Variants in PPM1L observed in about 807,000 individuals in gnomAD.
PPM1L encodes the protein protein phosphatase, Mg2+/Mn2+ dependent 1L, also known as protein phosphatase 1L.
Under a neutral mutation model 31.4 loss-of-function variants are expected in PPM1L, and 13 were observed. The ratio of observed to expected loss-of-function variants is 0.41; its 90% confidence interval spans 0.27 to 0.66. The LOEUF is 0.66. PPM1L is among the 30% of genes least tolerant of loss of function. PPM1L has a pLI of 0.29. For synonymous variants in PPM1L, 184 were observed against 175.4 expected (o/e 1.05, Z -0.39); for missense variants, 326 against 453.7 (o/e 0.72, Z 2.56).
chr3:161,056,122 G>A (rs1298418199), intron 2 of PPM1L, among the ~76,000 whole-genome samples: 1 of 152,124 alleles, frequency 6.6e-6, no homozygotes, highest in Non-Finnish European at 1.5e-5. Flanking sequence ...AAGGGAGTGA[G>A]GATCTTAATT....
At chr3:160,795,853 C>A (rs772444954) in intron 1 of PPM1L, among the ~76,000 whole-genome samples, 16 of 152,200 alleles carry the variant, frequency 1.1e-4, no homozygotes, top group Non-Finnish European at 2.2e-4. Flanking sequence ...TGAAGCCTCA[C>A]AGGGCTCCCC....
chr3:160,952,314 G>A (rs766005711), intron 1 of PPM1L, among the ~76,000 whole-genome samples: 13 of 152,192 alleles, frequency 8.5e-5, no homozygotes, highest in East Asian at 1.9e-4. Context: ...GTAAATTAAC[G>A]TGTGGTCTGT....
chr3:161,006,329 T>A (rs1240586925), intron 2 of PPM1L, among the ~76,000 whole-genome samples: 1 of 152,110 alleles, frequency 6.6e-6, no homozygotes, highest in Non-Finnish European at 1.5e-5. Flanking sequence ...GAAAGTTAAA[T>A]GATGGGTGCC....
intron 1 of PPM1L, among the ~76,000 whole-genome samples, chr3:160,933,529 G>A (rs1274307297): frequency 2.0e-5 from 3 of 152,126 alleles, no homozygotes; most frequent in African/African-American, 7.2e-5. Context: ...CCCTGTTTGA[G>A]CATCCCCCAC....
At chr3:161,067,821 C>T (rs1719784399) in intron 3 of PPM1L, among the ~76,000 whole-genome samples, 1 of 152,186 alleles carries the variant, frequency 6.6e-6, no homozygotes, top group Non-Finnish European at 1.5e-5. Context: ...TCAAAGCCCA[C>T]CTTTAATGTT....
intron 2 of PPM1L, among the ~76,000 whole-genome samples, chr3:161,032,866 A>AT (rs61145165): frequency 2.6e-3 from 281 of 107,352 alleles, no homozygotes; most frequent in Middle Eastern, 5.7e-3. Flanking sequence ...CTAATTTTGT[A>AT]TTTTTTTTTT....
At chr3:160,822,948 G>A (rs930141470) in intron 1 of PPM1L, among the ~76,000 whole-genome samples, 1 of 151,554 alleles carries the variant, frequency 6.6e-6, no homozygotes, top group Non-Finnish European at 1.5e-5. Flanking sequence ...ATCAAAAGGG[G>A]AAAACATATA....
chr3:160,779,697 A>T (rs1477950484), intron 1 of PPM1L, among the ~76,000 whole-genome samples: 9 of 137,860 alleles, frequency 6.5e-5, no homozygotes, highest in African/African-American at 2.1e-4. Flanking sequence ...TAATTTTTGT[A>T]TTTTTTTTTT....
At chr3:160,779,306 T>C (rs1243032277) in intron 1 of PPM1L, among the ~76,000 whole-genome samples, 1 of 152,190 alleles carries the variant, frequency 6.6e-6, no homozygotes, top group Non-Finnish European at 1.5e-5. Flanking sequence ...AGAAATAGTA[T>C]GGGCATTTAA....
At chr3:160,940,354 T>C (rs2108086788) in intron 1 of PPM1L, among the ~76,000 whole-genome samples, 1 of 152,316 alleles carries the variant, frequency 6.6e-6, no homozygotes, top group East Asian at 1.9e-4. Flanking sequence ...AGCCTAATGT[T>C]CATCCCCAAG....
chr3:161,043,965 ACAATTAAAAATATT>A (rs1718983613), intron 2 of PPM1L, among the ~76,000 whole-genome samples: 1 of 152,242 alleles, frequency 6.6e-6, no homozygotes, highest in Non-Finnish European at 1.5e-5. Context: ...AATTAAAAAA[ACAATTAAAAATATT>A]TTATACCTCA....
intron 2 of PPM1L, among the ~76,000 whole-genome samples, chr3:160,983,122 C>G (rs1012703563): frequency 2.6e-5 from 4 of 152,144 alleles, no homozygotes; most frequent in Non-Finnish European, 5.9e-5. Context: ...GAAGTATTGG[C>G]CCCTGTAAAT....
chr3:160,802,434 A>G (rs992078012), intron 1 of PPM1L, among the ~76,000 whole-genome samples: 3 of 152,160 alleles, frequency 2.0e-5, no homozygotes, highest in Non-Finnish European at 4.4e-5. Flanking sequence ...CAAGTGAGCA[A>G]TTTACTCTGT....
intron 1 of PPM1L, among the ~76,000 whole-genome samples, chr3:160,852,805 T>C (rs1427854757): frequency 6.6e-6 from 1 of 152,358 alleles, no homozygotes; most frequent in East Asian, 1.9e-4. Context: ...TTTATAACAC[T>C]GTATTTTATT....
chr3:160,905,886 T>C (rs1713738132), intron 1 of PPM1L, among the ~76,000 whole-genome samples: 1 of 152,150 alleles, frequency 6.6e-6, no homozygotes, highest in Admixed American at 6.5e-5. Flanking sequence ...TTTTTTCTTT[T>C]TATTTGAATG....
At chr3:160,898,762 G>T (rs1456322561) in intron 1 of PPM1L, among the ~76,000 whole-genome samples, 4 of 152,172 alleles carry the variant, frequency 2.6e-5, no homozygotes, top group African/African-American at 7.2e-5. Flanking sequence ...AATAGTAGGT[G>T]CCACTTATGA....
chr3:160,771,869 T>G (rs1715265284), intron 1 of PPM1L, among the ~76,000 whole-genome samples: 1 of 147,672 alleles, frequency 6.8e-6, no homozygotes, highest in South Asian at 2.1e-4. Context: ...TTGCTGTTTG[T>G]TTTTTTTTTC....
intron 2 of PPM1L, among the ~76,000 whole-genome samples, chr3:161,029,767 T>A (rs1017362057): frequency 2.0e-5 from 3 of 152,110 alleles, no homozygotes; most frequent in Non-Finnish European, 2.9e-5. Flanking sequence ...CCCATAGAAT[T>A]TCTCCTTTCC....
chr3:160,845,652 A>G (rs554651949), intron 1 of PPM1L, among the ~76,000 whole-genome samples: 1 of 152,118 alleles, frequency 6.6e-6, no homozygotes, highest in Non-Finnish European at 1.5e-5. Flanking sequence ...AAGCCCTATT[A>G]TACATTTTGA....
Sources: allele counts gnomAD v4.1 joint callset (sites outside exome capture counted in the v4.1 genomes callset), GRCh38; gene constraint gnomAD v4.1.1; transcripts MANE v1.5; gene names NCBI Gene and HGNC (gene_info 2026-07-23, HGNC 2026-07-21).